BCKDHB: variants seen among roughly 807,000 people sequenced by gnomAD.
BCKDHB encodes the protein branched chain keto acid dehydrogenase E1 subunit beta, also known as 2-oxoisovalerate dehydrogenase subunit beta, mitochondrial.
Under a neutral mutation model 48.5 loss-of-function variants are expected in BCKDHB, and 41 were observed. That is an observed-to-expected ratio of 0.85 (90% CI 0.66 to 1.10). BCKDHB has a LOEUF of 1.10. Ranked by LOEUF, BCKDHB falls within the 50% of genes least tolerant of loss-of-function variation. The pLI is 0.00. For synonymous variants in BCKDHB, 201 were observed against 174.8 expected (o/e 1.15, Z -1.18); for missense variants, 496 against 494.2 (o/e 1.00, Z -0.03).
At chr6:80,142,828 T>C (rs1474171588) in intron 3 of BCKDHB, among the ~76,000 whole-genome samples, 1 of 152,174 alleles carries the variant, frequency 6.6e-6, no homozygotes, top group Non-Finnish European at 1.5e-5. Context: ...CACTGCTATT[T>C]TGGAGATTCT....
chr6:80,168,439 AGAGG>A (rs1323763415), intron 4 of BCKDHB, among the ~76,000 whole-genome samples: 116 of 60,806 alleles, frequency 1.9e-3, no homozygotes, highest in East Asian at 0.018. Flanking sequence ...GAAAAGGAAG[AGAGG>A]GAGGGAGGGA....
intron 9 of BCKDHB, among the ~76,000 whole-genome samples, chr6:80,276,956 C>G (rs1300582696): frequency 1.3e-5 from 2 of 151,966 alleles, no homozygotes; most frequent in Non-Finnish European, 2.9e-5. Flanking sequence ...GCAGAGCAAG[C>G]TGAGGTCTGG....
At chr6:80,408,219 G>A in the BCKDHB span, among the ~76,000 whole-genome samples, 4 of 152,200 alleles carry the variant, frequency 2.6e-5, no homozygotes, top group South Asian at 2.1e-4. Context: ...TGATTGTGGT[G>A]GATAAGCTTT....
chr6:80,362,263 A>C, the BCKDHB span, among the ~76,000 whole-genome samples: 1 of 152,112 alleles, frequency 6.6e-6, no homozygotes, highest in African/African-American at 2.4e-5. Context: ...TTTTGACTCA[A>C]AGCGACACTG....
At chr6:80,207,177 A>G (rs777073216) in intron 8 of BCKDHB, among the ~76,000 whole-genome samples, 15 of 152,096 alleles carry the variant, frequency 9.9e-5, no homozygotes, top group Non-Finnish European at 2.2e-4. Context: ...TATCCGAAAC[A>G]GTAGTCATAA....
chr6:80,122,452 G>A (rs997059655), intron 1 of BCKDHB, among the ~76,000 whole-genome samples: 2 of 152,130 alleles, frequency 1.3e-5, no homozygotes, highest in Admixed American at 1.3e-4. Context: ...ATATTTTAAC[G>A]TAGGTTCTTT....
intron 1 of BCKDHB, 94 bp downstream of exon 1, chr6:80,106,983 C>T (rs1434823012): frequency 2.8e-6 from 4 of 1,442,280 alleles, no homozygotes; most frequent in African/African-American, 2.8e-5. Flanking sequence ...GGCTGCAATC[C>T]TTGCATCCCA....
intron 9 of BCKDHB, among the ~76,000 whole-genome samples, chr6:80,300,349 G>A (rs1179715670): frequency 5.3e-5 from 8 of 151,994 alleles, no homozygotes; most frequent in Non-Finnish European, 1.2e-4. Context: ...ACCATACCTG[G>A]GCAGGAGCCA....
chr6:80,110,274 C>A (rs979667956), intron 1 of BCKDHB, among the ~76,000 whole-genome samples: 6 of 152,140 alleles, frequency 3.9e-5, no homozygotes, highest in Admixed American at 3.9e-4. Flanking sequence ...TTTATTTTCT[C>A]CTGGATGCCA....
the BCKDHB span, among the ~76,000 whole-genome samples, chr6:80,371,242 G>A: frequency 6.6e-6 from 1 of 152,116 alleles, no homozygotes; most frequent in Non-Finnish European, 1.5e-5. Flanking sequence ...GATCATTAGT[G>A]AGGTTGAGCA....
At chr6:80,430,672 T>A in the BCKDHB span, among the ~76,000 whole-genome samples, 3 of 152,190 alleles carry the variant, frequency 2.0e-5, no homozygotes, top group African/African-American at 7.2e-5. Context: ...GATATCCCCT[T>A]TATCATTTTT....
At chr6:80,418,579 G>A in the BCKDHB span, among the ~76,000 whole-genome samples, 2 of 152,184 alleles carry the variant, frequency 1.3e-5, no homozygotes, top group Non-Finnish European at 2.9e-5. Flanking sequence ...TCCAACTGCT[G>A]AACTGTGTGC....
intron 8 of BCKDHB, among the ~76,000 whole-genome samples, chr6:80,245,051 A>ATAGTATCTATCT (rs1461436410): frequency 2.0e-5 from 3 of 151,256 alleles, no homozygotes; most frequent in African/African-American, 7.3e-5. Flanking sequence ...CTCATCTATA[A>ATAGTATCTATCT]AACAGAGATA....
the BCKDHB span, among the ~76,000 whole-genome samples, chr6:80,409,456 T>C: frequency 6.6e-6 from 1 of 150,950 alleles, no homozygotes; most frequent in Non-Finnish European, 1.5e-5. Flanking sequence ...GTCTCATTGA[T>C]CTGTCTAATA....
At chr6:80,426,584 G>A in the BCKDHB span, among the ~76,000 whole-genome samples, 6 of 151,866 alleles carry the variant, frequency 4.0e-5, no homozygotes. Context: ...TTGACCCATG[G>A]GTTATTTGGA....
intron 9 of BCKDHB, among the ~76,000 whole-genome samples, chr6:80,313,486 G>A (rs1366852538): frequency 2.0e-5 from 3 of 151,930 alleles, no homozygotes; most frequent in Non-Finnish European, 2.9e-5. Flanking sequence ...TCAGCCTCCC[G>A]AGTAGCTGGG....
At chr6:80,359,230 T>G in the BCKDHB span, among the ~76,000 whole-genome samples, 5 of 152,256 alleles carry the variant, frequency 3.3e-5, no homozygotes, top group African/African-American at 1.2e-4. Context: ...AGAGCACTGG[T>G]CCCTCACTGA....
At chr6:80,279,070 T>TA (rs1421864188) in intron 9 of BCKDHB, among the ~76,000 whole-genome samples, 1 of 152,202 alleles carries the variant, frequency 6.6e-6, no homozygotes, top group African/African-American at 2.4e-5. Flanking sequence ...TCAGCTTATA[T>TA]AAAAATGAAC....
chr6:80,429,251 A>G, the BCKDHB span, among the ~76,000 whole-genome samples: 67 of 152,280 alleles, frequency 4.4e-4, no homozygotes, highest in African/African-American at 1.5e-3. Context: ...TGGTACCAAT[A>G]CCATGCTGTT....
Sources: allele counts gnomAD v4.1 joint callset (sites outside exome capture counted in the v4.1 genomes callset), GRCh38; gene constraint gnomAD v4.1.1; transcripts MANE v1.5; gene names NCBI Gene and HGNC (gene_info 2026-07-23, HGNC 2026-07-21).